LPAR1: variants seen among roughly 807,000 people sequenced by gnomAD.
LPAR1 encodes the protein LPA receptor 1.
LPAR1 carries 5 observed loss-of-function variants against 23.8 expected under a neutral mutation model. That is an observed-to-expected ratio of 0.21 (90% CI 0.11 to 0.44). The LOEUF (loss-of-function observed/expected upper bound fraction) is 0.44, where lower values mean the gene tolerates loss of function less well. Among genes scored for constraint, LPAR1 ranks in the 20% least tolerant of loss-of-function variants. The probability of loss-of-function intolerance (pLI) is 0.99; values close to 1 mark genes in which losing one functional copy is unlikely to be tolerated. For synonymous variants in LPAR1, 160 were observed against 164.7 expected, an observed-to-expected ratio of 0.97 and a Z score of 0.22; for missense variants, 311 against 482.8, an observed-to-expected ratio of 0.64 and a Z score of 3.33.
chr9:110,920,997 G>A (rs1030650406), intron 5 of LPAR1, among the ~76,000 whole-genome samples: 2 of 151,508 alleles, frequency 1.3e-5, no homozygotes, highest in Admixed American at 6.6e-5. Context: ...TTAGCCAGAC[G>A]TTACGGCGCT....
intron 4 of LPAR1, among the ~76,000 whole-genome samples, chr9:110,961,069 C>CTTTT (rs71371698): frequency 6.6e-6 from 1 of 151,402 alleles, no homozygotes. Flanking sequence ...CATTATTGTC[C>CTTTT]TTTTTTTATT....
At position 110,873,536 on chromosome 9, in the gene LPAR1, C is replaced by G. The variant is rs571500369; in HGVS notation, c.*1885G>C. ...CTCCTTCCTAGACAGCCATTCATCTCCCGGACTTCTTTCTCTCAGACATCC... is the reference window on the plus strand; with the variant it reads ...CTCCTTCCTAGACAGCCATTCATCTGCCGGACTTCTTTCTCTCAGACATCC... On this transcript the variant is annotated 3_prime_UTR_variant, in exon 6 of 6. Coordinates refer to ENST00000683809, the MANE Select transcript of LPAR1 (RefSeq NM_001351411.2). 2 of 152,614 alleles carry G rather than the reference C, an allele frequency of 1.3e-5. No individual in the cohort carries two copies. Among genetic ancestry groups the G allele is most frequent in the Non-Finnish European group, 2.9e-5 (2 of 68,212 alleles). The allele number at this position is 152,614 out of a possible 1,614,324, so 9.5% of individuals were successfully genotyped here. A position where few individuals can be genotyped will look rare whatever the true frequency, so the allele number is the denominator to read the frequency against.
chr9:110,891,819 G>A (rs1372186360), intron 5 of LPAR1, among the ~76,000 whole-genome samples: 1 of 152,186 alleles, frequency 6.6e-6, no homozygotes, highest in East Asian at 1.9e-4. Flanking sequence ...TCAGGGAAAT[G>A]CAAATTAAAT....
intron 2 of LPAR1, among the ~76,000 whole-genome samples, chr9:111,033,096 T>A (rs940638492): frequency 2.0e-5 from 3 of 152,206 alleles, no homozygotes; most frequent in African/African-American, 7.2e-5. Context: ...AAATAAATTA[T>A]AACCTAAATC....
intron 5 of LPAR1, among the ~76,000 whole-genome samples, chr9:110,896,780 G>C (rs1311959552): frequency 8.2e-5 from 12 of 146,588 alleles, no homozygotes; most frequent in Non-Finnish European, 1.6e-4. Context: ...CAACTATTTA[G>C]TGAAATCTTT....
rs541922763 is a variant in LPAR1, at chr9:110,966,600, TA to T, written c.45+5472del. Among the ~76,000 whole-genome samples the T allele has an allele frequency of 2.3e-3, 352 of 151,954 alleles. 1 individual carries two copies. The highest frequency in any genetic ancestry group is 8.0e-3 in the African/African-American group (332 of 41,470). On this transcript the variant is annotated intron_variant, in intron 4 of 5. Transcript: ENST00000683809. ...TGCACATGTATCCCAGAACTTAAAG[TA>T]AAATATTTTAGAATAAAATAATTTA... is the stretch of plus-strand genomic sequence containing the variant.
rs796804536 is a variant in LPAR1 at position 110,938,690 on chromosome 9, C to CA, written c.793+2730dup. On this transcript the variant is annotated intron_variant, in intron 5 of 5. Transcript: ENST00000683809. ...GCAACATGACAAAACCCCATCTCTACAAAAAAAAAAGAAAAAAGAAAAAAA... is the reference window on the plus strand; with the variant it reads ...GCAACATGACAAAACCCCATCTCTACAAAAAAAAAAAGAAAAAAGAAAAAAA... Among the ~76,000 whole-genome samples, 796 of 120,350 alleles carry CA rather than the reference C, an allele frequency of 6.6e-3. 7 individuals are homozygous for CA. The highest frequency in any genetic ancestry group is 0.022 in the African/African-American group (708 of 32,282). The allele number at this position is 120,350 out of a possible 152,430, so 79.0% of individuals were successfully genotyped here.
chr9:111,021,128 A>G (rs975153071), intron 2 of LPAR1, among the ~76,000 whole-genome samples: 4 of 152,232 alleles, frequency 2.6e-5, no homozygotes, highest in African/African-American at 9.6e-5. Flanking sequence ...TGGTAAGAAA[A>G]GCTGAGTTGA....
chr9:110,921,563 G>T (rs2093630305), intron 5 of LPAR1, among the ~76,000 whole-genome samples: 1 of 152,180 alleles, frequency 6.6e-6, no homozygotes, highest in Admixed American at 6.5e-5. Flanking sequence ...GAAGTTTCAG[G>T]AAGTTAAAGA....
intron 2 of LPAR1, among the ~76,000 whole-genome samples, chr9:110,983,480 G>A (rs187115901): frequency 1.3e-5 from 2 of 152,162 alleles, no homozygotes; most frequent in East Asian, 3.9e-4. Context: ...AGTAGTACTT[G>A]CCAGGGACTG....
At chr9:110,961,760 G>C (rs2095998187) in intron 4 of LPAR1, among the ~76,000 whole-genome samples, 1 of 152,138 alleles carries the variant, frequency 6.6e-6, no homozygotes. Context: ...AGGCAAGAGA[G>C]TGTGTACAGG....
At chr9:110,987,668 A>T (rs1212193087) in intron 2 of LPAR1, among the ~76,000 whole-genome samples, 1 of 64,920 alleles carries the variant, frequency 1.5e-5, no homozygotes, top group Non-Finnish European at 2.8e-5. Context: ...TGGAACCTAC[A>T]TGTATATATA....
At chr9:110,919,226 C>T (rs965936300) in intron 5 of LPAR1, among the ~76,000 whole-genome samples, 2 of 152,076 alleles carry the variant, frequency 1.3e-5, no homozygotes, top group African/African-American at 2.4e-5. Flanking sequence ...CTCTATCTCT[C>T]CCTCCCTCTC....
intron 2 of LPAR1, among the ~76,000 whole-genome samples, chr9:111,024,406 T>C (rs961615280): frequency 2.7e-5 from 4 of 147,860 alleles, no homozygotes; most frequent in Admixed American, 6.8e-5. Context: ...CACACACACA[T>C]ATTTATATAT....
At chr9:110,906,185 T>C (rs1003649589) in intron 5 of LPAR1, among the ~76,000 whole-genome samples, 28 of 152,208 alleles carry the variant, frequency 1.8e-4, no homozygotes, top group Admixed American at 4.6e-4. Context: ...CTGCTTATGT[T>C]TGGGACTTCT....
intron 2 of LPAR1, among the ~76,000 whole-genome samples, chr9:111,028,316 C>A (rs958054829): frequency 6.6e-6 from 1 of 152,092 alleles, no homozygotes; most frequent in African/African-American, 2.4e-5. Context: ...CTCCTGACCT[C>A]AAGTGATCTG....
intron 4 of LPAR1, among the ~76,000 whole-genome samples, chr9:110,965,364 T>G (rs1237133909): frequency 6.6e-6 from 1 of 152,188 alleles, no homozygotes. Context: ...AGAAAAATTT[T>G]GCAATCTATC....
At chr9:110,958,226 A>C (rs1425179017) in intron 4 of LPAR1, among the ~76,000 whole-genome samples, 1 of 152,196 alleles carries the variant, frequency 6.6e-6, no homozygotes. Context: ...TAGAAAAAAC[A>C]ATCCCAAAAT....
intron 4 of LPAR1, among the ~76,000 whole-genome samples, chr9:110,966,054 T>C (rs1198744008): frequency 1.3e-5 from 2 of 151,966 alleles, no homozygotes; most frequent in African/African-American, 4.8e-5. Flanking sequence ...ATATTCTCAC[T>C]CATAAGTGGG....
Sources: allele counts gnomAD v4.1 joint callset (sites outside exome capture counted in the v4.1 genomes callset), GRCh38; gene constraint gnomAD v4.1.1; transcripts MANE v1.5; gene names NCBI Gene and HGNC (gene_info 2026-07-23, HGNC 2026-07-21).